Variants in SEC23A observed in about 807,000 individuals in gnomAD.
SEC23A encodes the protein protein transport protein Sec23A.
In SEC23A, 56 loss-of-function variants were observed where a neutral mutation model predicts 103.7. The ratio of observed to expected loss-of-function variants is 0.54; its 90% CI spans 0.44 to 0.67. The LOEUF is 0.67. Among genes scored for constraint, SEC23A ranks in the 30% least tolerant of loss-of-function variants. The pLI is 0.00. For missense variants in SEC23A, 784 were observed against 936.4 expected (o/e 0.84, Z 2.12); for synonymous variants, 281 against 293.0 (o/e 0.96, Z 0.42).
chr14:39,052,389 T>A (rs1197546821), intron 14 of SEC23A, among the ~76,000 whole-genome samples: 1 of 152,150 alleles, frequency 6.6e-6, no homozygotes, highest in African/African-American at 2.4e-5. Flanking sequence ...ATTCTAGACA[T>A]AAGTCTTCAG....
intron 13 of SEC23A, among the ~76,000 whole-genome samples, chr14:39,057,978 A>T (rs1382883688): frequency 6.6e-6 from 1 of 152,238 alleles, no homozygotes; most frequent in African/African-American, 2.4e-5. Flanking sequence ...AAAGTTAATA[A>T]GTAAAAACTT....
intron 17 of SEC23A, chr14:39,041,288 A>C (rs1411487155): frequency 1.2e-5 from 2 of 162,280 alleles, no homozygotes; most frequent in East Asian, 3.6e-4. Flanking sequence ...AAGTTAGCTG[A>C]ATCAGTCAAC....
intron 9 of SEC23A, among the ~76,000 whole-genome samples, chr14:39,067,972 T>G (rs1219332318): frequency 6.6e-6 from 1 of 152,012 alleles, no homozygotes; most frequent in Admixed American, 6.6e-5. Flanking sequence ...CCTGGCCCAT[T>G]CTCACTCTTA....
chr14:39,057,450 C>A (rs576477510), intron 13 of SEC23A, among the ~76,000 whole-genome samples: 12 of 152,152 alleles, frequency 7.9e-5, no homozygotes, highest in Non-Finnish European at 1.3e-4. Flanking sequence ...TGATTCACCT[C>A]AAACTCCTGG....
At chr14:39,036,102 C>T (rs913985972) in intron 19 of SEC23A, among the ~76,000 whole-genome samples, 4 of 151,870 alleles carry the variant, frequency 2.6e-5, no homozygotes, top group African/African-American at 7.3e-5. Context: ...GGGCAGATCA[C>T]GAGATCAGAA....
At chr14:39,094,371 TATACACACAC>T (rs1373586001) in intron 2 of SEC23A, among the ~76,000 whole-genome samples, 4 of 15,956 alleles carry the variant, frequency 2.5e-4, no homozygotes, top group African/African-American at 9.2e-4. Flanking sequence ...TACATATATA[TATACACACAC>T]ACACACACAC....
intron 13 of SEC23A, among the ~76,000 whole-genome samples, chr14:39,060,774 C>G (rs1886446995): frequency 6.6e-6 from 1 of 152,164 alleles, no homozygotes; most frequent in African/African-American, 2.4e-5. Flanking sequence ...GGGCAAAGAG[C>G]CCATGAACAA....
intron 13 of SEC23A, among the ~76,000 whole-genome samples, chr14:39,058,394 G>A (rs1023526964): frequency 7.9e-5 from 12 of 151,806 alleles, no homozygotes; most frequent in Admixed American, 1.3e-4. Flanking sequence ...TGCAAGCTCC[G>A]CTTCCCGGGT....
intron 7 of SEC23A, among the ~76,000 whole-genome samples, chr14:39,080,657 C>T (rs572154041): frequency 9.9e-5 from 15 of 152,266 alleles, no homozygotes; most frequent in South Asian, 6.2e-4. Context: ...CCGCCTGCCT[C>T]GGCCTCCCAA....
rs201887310 is a variant in SEC23A, at chr14:39,094,251, T to TAC, written c.222-1008_222-1007insGT. On this transcript the variant is annotated intron_variant, in intron 2 of 19. Transcript: ENST00000307712. ...ATATATATATATGCATATATACACA[T>TAC]ATACATATATATGCATATATACACA... Among the ~76,000 whole-genome samples, 114 of 93,674 alleles carry TAC rather than the reference T, an allele frequency of 1.2e-3. 1 individual carries two copies. The highest frequency in any genetic ancestry group is 4.7e-3 in the African/African-American group (109 of 23,194). 61.5% of individuals were successfully genotyped at this position (93,674 alleles called of 152,430 possible).
chr14:39,043,283 G>A (rs1284847406), intron 16 of SEC23A, among the ~76,000 whole-genome samples: 1 of 152,026 alleles, frequency 6.6e-6, no homozygotes, highest in East Asian at 1.9e-4. Context: ...TTGAAACTTA[G>A]GCCATGATGG....
At chr14:39,070,143 C>T (rs987373155) in intron 9 of SEC23A, among the ~76,000 whole-genome samples, 3 of 152,202 alleles carry the variant, frequency 2.0e-5, no homozygotes, top group Non-Finnish European at 4.4e-5. Context: ...AAGAGCCCTG[C>T]GCTAGAAGAT....
intron 15 of SEC23A, 34 bp from the exon 16 acceptor site, chr14:39,045,358 AT>A (rs752165778): frequency 1.3e-5 from 20 of 1,537,562 alleles, no homozygotes; most frequent in Non-Finnish European, 1.8e-6. Context: ...GTTGTTACTG[AT>A]TTTAATATTA....
At chr14:39,086,491 G>A (rs181119840) in intron 6 of SEC23A, among the ~76,000 whole-genome samples, 233 of 152,146 alleles carry the variant, frequency 1.5e-3, no homozygotes, top group African/African-American at 5.3e-3. Context: ...GCATGGTGGT[G>A]CATGCCTGTA....
At chr14:39,065,052 T>A in intron 10 of SEC23A, 59 bp from the exon 11 acceptor site, 1 of 1,027,634 alleles carries the variant, frequency 9.7e-7, no homozygotes, top group Non-Finnish European at 1.5e-6. Flanking sequence ...AATGTTCAAC[T>A]ACAGGTGTAT....
At chr14:39,089,849 G>A (rs144081920) in intron 5 of SEC23A, among the ~76,000 whole-genome samples, 1,734 of 152,244 alleles carry the variant, frequency 0.011, 32 homozygotes, top group African/African-American at 0.039. Flanking sequence ...CCAGCTACTC[G>A]AGAGGCTGAG....
chr14:39,094,167 A>C (rs1054965358), intron 2 of SEC23A, among the ~76,000 whole-genome samples: 29 of 149,564 alleles, frequency 1.9e-4, no homozygotes, highest in African/African-American at 7.0e-4. Context: ...GACTACAGAC[A>C]CATACCACCA....
chr14:39,099,689 G>A (rs1371033609), intron 1 of SEC23A, among the ~76,000 whole-genome samples: 1 of 152,086 alleles, frequency 6.6e-6, no homozygotes, highest in Admixed American at 6.6e-5. Flanking sequence ...TCAAAGTGTA[G>A]AATAGGCCAA....
In SEC23A at chr14:39,064,837, C is replaced by T; in HGVS notation, c.1308+76G>A. ...TTAAGCAATCCTCCTGCCTCAGCTT[C>T]CCAAGTACCTGGGATTACAGGTGCA... On this transcript the variant is annotated intron_variant, in intron 11 of 19. Transcript: ENST00000307712. 2.8e-6 allele frequency: 3 copies of T among 1,067,610 alleles called. No homozygotes were observed. In the South Asian group the frequency reaches 3.7e-5, roughly 13 times the overall value. 66.1% of individuals were successfully genotyped at this position (1,067,610 alleles called of 1,614,324 possible).
Sources: gnomAD v4.1 joint callset for allele counts (sites outside exome capture counted in the v4.1 genomes callset) on GRCh38, gnomAD v4.1.1 for gene constraint, MANE v1.5 for transcripts, NCBI Gene and HGNC (gene_info 2026-07-23, HGNC 2026-07-21) for gene names.